RRBP1: variants seen among roughly 807,000 people sequenced by gnomAD.
The protein encoded by RRBP1 is ribosome binding protein 1.
Under a neutral mutation model 165.2 loss-of-function variants are expected in RRBP1, and 94 were observed. The ratio of observed to expected loss-of-function variants is 0.57; its 90% CI spans 0.48 to 0.68. The LOEUF (loss-of-function observed/expected upper bound fraction) is 0.68, where lower values mean the gene tolerates loss of function less well. Ranked by LOEUF, RRBP1 falls within the 30% of genes least tolerant of loss-of-function variation. The pLI is 0.00. For synonymous variants in RRBP1, 680 were observed against 714.5 expected (o/e 0.95, Z 0.77); for missense variants, 1,676 against 1,763.0 (o/e 0.95, Z 0.88).
At position 17,660,488 on chromosome 20, in the gene RRBP1, T is replaced by C. The variant is rs773251179; in HGVS notation, c.20A>G (p.Gln7Arg). 1 of 1,613,650 alleles carries C rather than the reference T, an allele frequency of 6.2e-7. No homozygotes were observed. The highest frequency in any genetic ancestry group is 8.5e-7 in the Non-Finnish European group (1 of 1,179,734). Residue 7 changes from glutamine to arginine, a missense_variant, in exon 3 of 25, where the codon CAA (glutamine) becomes CGA (arginine). By Grantham distance (43) the Gln-to-Arg change is conservative (BLOSUM62 1). Around this residue, in one of 5 missense-constraint regions of RRBP1, gnomAD observed 392 missense variants for 382.5 expected, o/e 1.02. Transcript: ENST00000377813. ...TCCAAAGACCACAACCCCCAAGGTT[T>C]GAGTGTCGTAAATATCCATCCTGGC... is the stretch of plus-strand genomic sequence containing the variant. MDIYDT[Q>R]TLGVVVFGGF...
At chr20:17,620,445 G>A (rs2035889669) in intron 17 of RRBP1, 75 bp from the exon 18 acceptor site, 28 of 1,360,534 alleles carry the variant, frequency 2.1e-5, no homozygotes, top group East Asian at 1.1e-4. Flanking sequence ...GCTAGGACCC[G>A]AGCGGGACTG....
Position 17,619,363 on chromosome 20 carries a change from C to A in RRBP1, c.3675+270G>T, listed in dbSNP as rs147117516. 196 of 388,044 alleles carry A rather than the reference C, an allele frequency of 5.1e-4. 1 individual carries two copies. Among genetic ancestry groups the A allele is most frequent in the African/African-American group, 3.6e-3 (177 of 48,550 alleles). The allele number at this position is 388,044 out of a possible 1,614,324, so 24.0% of individuals were successfully genotyped here. Reference sequence around the variant, plus strand: ...AGAGAATCCCCTTGCGGAGGGATAACCTAGAACGTCAAACGCCTCCCTCGG... The same window carrying A: ...AGAGAATCCCCTTGCGGAGGGATAAACTAGAACGTCAAACGCCTCCCTCGG... On this transcript the variant is annotated intron_variant, in intron 19 of 24. Coordinates refer to ENST00000377813, the MANE Select transcript of RRBP1 (RefSeq NM_001365613.2).
intron 2 of RRBP1, among the ~76,000 whole-genome samples, chr20:17,673,585 T>G (rs2037019948): frequency 6.6e-6 from 1 of 152,144 alleles, no homozygotes; most frequent in African/African-American, 2.4e-5. Flanking sequence ...GTTTTTGTAT[T>G]TTTAGTAGAG....
At chr20:17,644,163 C>T (rs1236856750) in intron 3 of RRBP1, among the ~76,000 whole-genome samples, 3 of 152,130 alleles carry the variant, frequency 2.0e-5, no homozygotes, top group Non-Finnish European at 4.4e-5. Flanking sequence ...GCATTTGGCA[C>T]GATACCTTAA....
intron 12 of RRBP1, among the ~76,000 whole-genome samples, chr20:17,625,138 A>C (rs918025365): frequency 3.3e-5 from 5 of 151,714 alleles, no homozygotes; most frequent in African/African-American, 1.2e-4. Context: ...GGTGTGGCCG[A>C]GGCCACACCA....
At chr20:17,680,935 G>C (rs1051157875) in intron 1 of RRBP1, among the ~76,000 whole-genome samples, 2 of 152,114 alleles carry the variant, frequency 1.3e-5, no homozygotes, top group Non-Finnish European at 2.9e-5. Flanking sequence ...GACCCCGAAC[G>C]AAACAACTTG....
At chr20:17,615,663 A>G in intron 22 of RRBP1, 134 bp from the exon 23 acceptor site, 1 of 680,100 alleles carries the variant, frequency 1.5e-6, no homozygotes, top group South Asian at 2.1e-5. Context: ...CTGTAGCTGG[A>G]ATGAGTGGGC....
Position 17,643,134 on chromosome 20 carries a change from A to G in RRBP1, c.1913-7T>C, listed in dbSNP as rs2036397996. 1 of 1,613,224 alleles carries G rather than the reference A, an allele frequency of 6.2e-7. No homozygotes were observed. Among genetic ancestry groups the G allele is most frequent in the Non-Finnish European group, 8.5e-7 (1 of 1,179,874 alleles). On this transcript the variant is annotated splice_polypyrimidine_tract_variant and splice_region_variant and intron_variant, in intron 3 of 24. Coordinates refer to ENST00000377813, the MANE Select transcript of RRBP1 (RefSeq NM_001365613.2). The surrounding 1 kb of genome is among the most constrained non-coding windows in gnomAD (Gnocchi z 4.3). ...CCGTCGGCATCTGGGGGCCCTGTGCAGCAAGAGGGAAAGAGCTGAGACTTA... is the reference window on the plus strand; with the variant it reads ...CCGTCGGCATCTGGGGGCCCTGTGCGGCAAGAGGGAAAGAGCTGAGACTTA...
intron 1 of RRBP1, among the ~76,000 whole-genome samples, chr20:17,681,822 C>T (rs1328669138): frequency 6.7e-6 from 1 of 150,298 alleles, no homozygotes; most frequent in Admixed American, 6.6e-5. Context: ...GCCTACGCCC[C>T]GGTACGGCGC....
intron 3 of RRBP1, among the ~76,000 whole-genome samples, chr20:17,651,139 AT>A (rs2036549221): frequency 6.6e-6 from 1 of 152,126 alleles, no homozygotes; most frequent in African/African-American, 2.4e-5. Context: ...TGTGCCTTTC[AT>A]TTCCAAAGAA....
At chr20:17,631,347 G>A (rs1366732427) in intron 8 of RRBP1, among the ~76,000 whole-genome samples, 1 of 152,246 alleles carries the variant, frequency 6.6e-6, no homozygotes, top group African/African-American at 2.4e-5. Flanking sequence ...CTCCAGCTCA[G>A]ACTGCAGGGA....
chr20:17,662,551 AT>A (rs2036785732), intron 2 of RRBP1, among the ~76,000 whole-genome samples: 1 of 152,154 alleles, frequency 6.6e-6, no homozygotes, highest in Non-Finnish European at 1.5e-5. Flanking sequence ...GTAAGGCAGC[AT>A]TTATATTTCC....
chr20:17,623,856 C>A (rs534123294), intron 13 of RRBP1, among the ~76,000 whole-genome samples: 2 of 151,822 alleles, frequency 1.3e-5, no homozygotes, highest in Admixed American at 1.3e-4. Context: ...TGCTTGAACC[C>A]GGGAGGCAGG....
Position 17,660,185 on chromosome 20 carries a change from G to C in RRBP1, c.323C>G (p.Ala108Gly), listed in dbSNP as rs1269543672. 6.2e-7 allele frequency: 1 copy of C among 1,613,708 alleles called. No individual in the cohort carries two copies. Among genetic ancestry groups the C allele is most frequent in the African/African-American group, 1.3e-5 (1 of 75,048 alleles). The change falls in exon 3 of 25, where the codon GCT becomes GGT. Residue 108 changes from alanine (A) to glycine (G), a missense_variant. Transcript: ENST00000377813. ...AATGGGGGGCTGCACTGGGGTTGGA[G>C]CCACAGCCACAGCAGGAGCCCGCAC... ...EPVRAPAVAV[A>G]PTPVQPPIIV...
intron 24 of RRBP1, 27 bp from the exon 25 acceptor site, chr20:17,614,247 G>T: frequency 6.2e-7 from 1 of 1,611,008 alleles, no homozygotes; most frequent in Non-Finnish European, 8.5e-7. Context: ...GTGGCGTGAG[G>T]GGGGCTGGGC....
chr20:17,622,093 A>C, intron 13 of RRBP1, 146 bp from the exon 14 acceptor site: 1 of 657,748 alleles, frequency 1.5e-6, no homozygotes, highest in Non-Finnish European at 2.7e-6. Flanking sequence ...TCAAAGGAGA[A>C]GATGAGGCTC....
intron 23 of RRBP1, 146 bp from the exon 24 acceptor site, chr20:17,615,026 A>G: frequency 1.1e-6 from 1 of 918,128 alleles, no homozygotes; most frequent in Admixed American, 2.4e-5. Flanking sequence ...ATAGGTGGTG[A>G]CGACAGGGAG....
chr20:17,617,711 C>T (rs554062017), intron 20 of RRBP1, among the ~76,000 whole-genome samples: 4 of 152,216 alleles, frequency 2.6e-5, no homozygotes, highest in Non-Finnish European at 4.4e-5. Context: ...TGTTCTGGTC[C>T]GGGTAAGACC....
intron 13 of RRBP1, among the ~76,000 whole-genome samples, chr20:17,623,939 A>C (rs1246248072): frequency 2.0e-5 from 3 of 152,132 alleles, no homozygotes; most frequent in African/African-American, 4.8e-5. Context: ...CTCAAAAAAA[A>C]AAAAAGTCTC....
Sources: gnomAD v4.1 joint callset for allele counts (sites outside exome capture counted in the v4.1 genomes callset) on GRCh38, gnomAD v4.1.1 for gene constraint, gnomAD v4.1.1 regional missense constraint, Gnocchi (gnomAD v3.1) non-coding constraint, MANE v1.5 for transcripts, NCBI Gene and HGNC (gene_info 2026-07-23, HGNC 2026-07-21) for gene names.